FGF12: variants seen among roughly 807,000 people sequenced by gnomAD.
FGF12 encodes the protein fibroblast growth factor 12.
In FGF12, 14 loss-of-function variants were observed where a neutral mutation model predicts 23.6. The observed-to-expected ratio is 0.59, with a 90% confidence interval of 0.39 to 0.93. The LOEUF (loss-of-function observed/expected upper bound fraction) is 0.93. Among genes scored for constraint, FGF12 ranks in the 40% least tolerant of loss-of-function variants. FGF12 has a pLI of 0.00. For synonymous variants in FGF12, 62 were observed against 77.3 expected, an observed-to-expected ratio of 0.80 and a Z score of 1.04; for missense variants, 175 against 217.8, an observed-to-expected ratio of 0.80 and a Z score of 1.24.
At chr3:192,627,725 C>T (rs759095108) in intron 2 of FGF12, among the ~76,000 whole-genome samples, 13 of 152,044 alleles carry the variant, frequency 8.6e-5, no homozygotes, top group Non-Finnish European at 1.8e-4. Context: ...GTAGAGAGAA[C>T]CCGTGTATAC....
At chr3:192,441,898 T>C (rs988910067) in intron 2 of FGF12, among the ~76,000 whole-genome samples, 25 of 152,224 alleles carry the variant, frequency 1.6e-4, no homozygotes, top group African/African-American at 5.5e-4. Flanking sequence ...AGAATTTTAC[T>C]CTCTAGGTTA....
intron 4 of FGF12, among the ~76,000 whole-genome samples, chr3:192,180,866 G>A (rs907062572): frequency 1.3e-5 from 2 of 152,192 alleles, no homozygotes; most frequent in South Asian, 2.1e-4. Flanking sequence ...CAGGAGGTAA[G>A]CACTGTGTAT....
chr3:192,208,516 G>A (rs1435233646), intron 4 of FGF12, among the ~76,000 whole-genome samples: 1 of 152,098 alleles, frequency 6.6e-6, no homozygotes, highest in Non-Finnish European at 1.5e-5. Flanking sequence ...TAAAGAACAT[G>A]TTGTAATTTG....
chr3:192,162,370 C>A (rs1714931794), intron 5 of FGF12, among the ~76,000 whole-genome samples: 1 of 151,786 alleles, frequency 6.6e-6, no homozygotes, highest in Non-Finnish European at 1.5e-5. Context: ...ACGTTGTGAA[C>A]AAAAGCGTCT....
intron 2 of FGF12, among the ~76,000 whole-genome samples, chr3:192,593,613 G>T (rs1040665795): frequency 6.6e-5 from 10 of 152,070 alleles, no homozygotes; most frequent in African/African-American, 2.2e-4. Flanking sequence ...ACCAAACTTT[G>T]AATCTTTATT....
intron 2 of FGF12, among the ~76,000 whole-genome samples, chr3:192,639,071 C>T (rs1229500828): frequency 6.6e-6 from 1 of 152,056 alleles, no homozygotes; most frequent in Non-Finnish European, 1.5e-5. Flanking sequence ...GATCAGTATC[C>T]AAGATTTATA....
At chr3:192,594,481 G>A (rs2654694) in intron 2 of FGF12, among the ~76,000 whole-genome samples, 74,423 of 151,582 alleles carry the variant, frequency 0.49, 19,122 homozygotes, top group African/African-American at 0.59. Context: ...TGCTCATTCA[G>A]TCATAATAGA....
In FGF12 at chr3:192,681,257, C is replaced by T. The variant is rs745509221; in HGVS notation, c.13+45924G>A. ...GGGATATAACAATGTAAACTAGAGA[C>T]GATAAAAGGGGTGACATAAAGTCAG... On this transcript the variant is annotated intron_variant, in intron 2 of 5. Coordinates refer to ENST00000445105, the MANE Select transcript of FGF12 (RefSeq NM_004113.6). Among the ~76,000 whole-genome samples the T allele has an allele frequency of 6.6e-5, 10 of 152,158 alleles. No individual in the cohort carries two copies. The South Asian group carries it at 8.3e-4, about 13-fold the overall frequency.
chr3:192,727,188 C>A lies in FGF12; in HGVS notation c.6G>T (p.Glu2Asp). MESKEPQLKGIV... is the reference protein window; with the variant it reads MDSKEPQLKGIV... Reference sequence around the variant, plus strand: ...ATAGGGACAACCACATACCTTTGCTCTCCATTTCGGTCCCTTTCGAGTGCT... The same window carrying A: ...ATAGGGACAACCACATACCTTTGCTATCCATTTCGGTCCCTTTCGAGTGCT... Residue 2 changes from glutamate to aspartate, a missense_variant, in exon 2 of 6, where the codon GAG becomes GAT. By Grantham distance (45) the Glu-to-Asp change is conservative. Coordinates refer to ENST00000445105, the MANE Select transcript of FGF12 (RefSeq NM_004113.6). 6.3e-7 allele frequency: 1 copy of A among 1,580,396 alleles called. No homozygotes were observed. Among genetic ancestry groups the A allele is most frequent in the East Asian group, 2.3e-5 (1 of 43,208 alleles).
At chr3:192,214,791 A>G (rs1002276999) in intron 4 of FGF12, among the ~76,000 whole-genome samples, 2 of 152,254 alleles carry the variant, frequency 1.3e-5, no homozygotes, top group African/African-American at 4.8e-5. Flanking sequence ...CTTTGATCAC[A>G]TAAGAATGTT....
At chr3:192,509,899 C>G (rs966248774) in intron 2 of FGF12, among the ~76,000 whole-genome samples, 1 of 152,084 alleles carries the variant, frequency 6.6e-6, no homozygotes, top group Non-Finnish European at 1.5e-5. Context: ...TAAGCTGCAC[C>G]GCCTTATTAT....
At chr3:192,201,181 G>A (rs1717348352) in intron 4 of FGF12, among the ~76,000 whole-genome samples, 1 of 152,158 alleles carries the variant, frequency 6.6e-6, no homozygotes. Flanking sequence ...GTGCTAAGCT[G>A]TACTTTATGT....
At chr3:192,334,613 T>C (rs1182525690) in intron 4 of FGF12, among the ~76,000 whole-genome samples, 6 of 152,148 alleles carry the variant, frequency 3.9e-5, no homozygotes, top group African/African-American at 1.4e-4. Context: ...ATCATAATTG[T>C]GTTTGCTACT....
intron 4 of FGF12, among the ~76,000 whole-genome samples, chr3:192,192,585 A>G (rs1218663229): frequency 6.6e-6 from 1 of 151,358 alleles, no homozygotes; most frequent in Non-Finnish European, 1.5e-5. Context: ...TAATATAACT[A>G]GTAATAACTT....
chr3:192,243,402 T>C lies in FGF12; in HGVS notation c.229-72746A>G, dbSNP rs143940892. Among the ~76,000 whole-genome samples, 698 of 152,024 alleles carry C rather than the reference T, an allele frequency of 4.6e-3. 4 individuals are homozygous for C. Among genetic ancestry groups the C allele is most frequent in the Non-Finnish European group, 7.5e-3 (508 of 67,890 alleles). On this transcript the variant is annotated intron_variant, in intron 4 of 5. Transcript: ENST00000445105. ...GGCACATGAATAAACAGTCATAAAA[T>C]TGGAACAGCCTGGGTAGTACAGAAG... is the stretch of plus-strand genomic sequence containing the variant.
intron 4 of FGF12, among the ~76,000 whole-genome samples, chr3:192,192,226 TAC>T (rs1376737910): frequency 6.6e-6 from 1 of 152,064 alleles, no homozygotes; most frequent in African/African-American, 2.4e-5. Context: ...ATACTTTTCT[TAC>T]AAGTTGATCA....
intron 5 of FGF12, among the ~76,000 whole-genome samples, chr3:192,167,772 A>ATATTTTTTT (rs1715302128): frequency 1.3e-4 from 2 of 15,394 alleles, no homozygotes; most frequent in African/African-American, 4.5e-4. Context: ...TATATATAAA[A>ATATTTTTTT]TTTTTTTTTT....
intron 3 of FGF12, among the ~76,000 whole-genome samples, chr3:192,352,261 A>T (rs1718261619): frequency 6.6e-6 from 1 of 152,192 alleles, no homozygotes; most frequent in African/African-American, 2.4e-5. Flanking sequence ...CAGAACAGAG[A>T]TTGCTTTCAT....
chr3:192,158,131 T>TGACCCCAAACCTC (rs1295738669), intron 5 of FGF12, among the ~76,000 whole-genome samples: 1 of 152,146 alleles, frequency 6.6e-6, no homozygotes, highest in Non-Finnish European at 1.5e-5. Flanking sequence ...GTCAAAACCT[T>TGACCCCAAACCTC]GACCCCAAAC....
Sources: gnomAD v4.1 joint callset for allele counts (sites outside exome capture counted in the v4.1 genomes callset) on GRCh38, gnomAD v4.1.1 for gene constraint, MANE v1.5 for transcripts, NCBI Gene and HGNC (gene_info 2026-07-23, HGNC 2026-07-21) for gene names.